Variants in CNTNAP2 observed in about 807,000 individuals in gnomAD.
The protein encoded by CNTNAP2 is contactin-associated protein-like 2.
A neutral mutation model predicts 155.2 loss-of-function variants in CNTNAP2; 98 were observed. The observed-to-expected ratio is 0.63, with a 90% CI of 0.54 to 0.75. The LOEUF (loss-of-function observed/expected upper bound fraction) is 0.75, where lower values mean the gene tolerates loss of function less well. CNTNAP2 is among the 30% of genes least tolerant of loss of function. The pLI is 0.00. For synonymous variants in CNTNAP2, 651 were observed against 631.2 expected, an observed-to-expected ratio of 1.03 and a Z score of -0.47; for missense variants, 1,727 against 1,688.1, an observed-to-expected ratio of 1.02 and a Z score of -0.40.
chr7:148,349,576 T>C, intron 21 of CNTNAP2, among the ~76,000 whole-genome samples: 1 of 151,960 alleles, frequency 6.6e-6, no homozygotes, highest in Non-Finnish European at 1.5e-5. Flanking sequence ...TAATTTTTTG[T>C]ATTTTTAGTA....
intron 1 of CNTNAP2, among the ~76,000 whole-genome samples, chr7:146,193,557 G>A (rs1798737154): frequency 6.6e-6 from 1 of 152,182 alleles, no homozygotes; most frequent in African/African-American, 2.4e-5. Flanking sequence ...GAGCAGCTGG[G>A]GCAGAGGGCA....
chr7:146,505,466 T>C (rs1398250937), intron 1 of CNTNAP2, among the ~76,000 whole-genome samples: 2 of 152,190 alleles, frequency 1.3e-5, no homozygotes, highest in African/African-American at 4.8e-5. Context: ...CACCCCATGG[T>C]TCCTTTGGGT....
intron 11 of CNTNAP2, among the ~76,000 whole-genome samples, chr7:147,517,260 A>G (rs1320653342): frequency 6.6e-6 from 1 of 152,166 alleles, no homozygotes; most frequent in Non-Finnish European, 1.5e-5. Flanking sequence ...GCTATTCACA[A>G]AGAGTTCTTC....
chr7:146,280,723 C>A (rs1800237926), intron 1 of CNTNAP2, among the ~76,000 whole-genome samples: 1 of 152,184 alleles, frequency 6.6e-6, no homozygotes, highest in South Asian at 2.1e-4. Context: ...ATGGTTCAGG[C>A]ATAGACATTT....
At chr7:147,050,655 C>G (rs752815343) in intron 4 of CNTNAP2, among the ~76,000 whole-genome samples, 1 of 152,200 alleles carries the variant, frequency 6.6e-6, no homozygotes, top group Non-Finnish European at 1.5e-5. Context: ...CACACACTAA[C>G]TCCCCTCACT....
intron 3 of CNTNAP2, among the ~76,000 whole-genome samples, chr7:146,862,344 C>A (rs569124275): frequency 6.6e-6 from 1 of 151,636 alleles, no homozygotes; most frequent in African/African-American, 2.4e-5. Context: ...ACAACAAAAA[C>A]GAAAAAAGTG....
At chr7:147,836,138 A>G (rs1476082015) in intron 13 of CNTNAP2, among the ~76,000 whole-genome samples, 4 of 152,144 alleles carry the variant, frequency 2.6e-5, no homozygotes, top group Non-Finnish European at 5.9e-5. Context: ...CCAGGAAGAA[A>G]TTTTTGTTGT....
chr7:148,099,132 A>C (rs983413029), intron 15 of CNTNAP2, among the ~76,000 whole-genome samples: 2 of 152,204 alleles, frequency 1.3e-5, no homozygotes, highest in African/African-American at 4.8e-5. Context: ...GGTGTGTAAA[A>C]ATAGAACCGA....
intron 13 of CNTNAP2, among the ~76,000 whole-genome samples, chr7:147,772,468 A>G (rs1797488356): frequency 2.3e-5 from 3 of 128,832 alleles, no homozygotes; most frequent in African/African-American, 9.3e-5. Flanking sequence ...ATATATATAT[A>G]TATATATATA....
chr7:147,334,210 A>G (rs910312398), intron 9 of CNTNAP2, among the ~76,000 whole-genome samples: 1 of 152,142 alleles, frequency 6.6e-6, no homozygotes, highest in Admixed American at 6.5e-5. Flanking sequence ...TAGTTATTCT[A>G]TCTGCCTCCT....
chr7:147,869,543 G>T (rs76650174), intron 13 of CNTNAP2, among the ~76,000 whole-genome samples: 4 of 152,098 alleles, frequency 2.6e-5, no homozygotes, highest in African/African-American at 7.2e-5. Context: ...GCACATCACC[G>T]TCAAGGAAAA....
chr7:147,398,610 C>CTTTTTTTTTTTTT (rs1438410296), intron 10 of CNTNAP2, among the ~76,000 whole-genome samples: 1 of 43,702 alleles, frequency 2.3e-5, no homozygotes, highest in Non-Finnish European at 4.9e-5. Context: ...TTTTTTTTTG[C>CTTTTTTTTTTTTT]TTTGTGTGTA....
rs566572671 is a variant in CNTNAP2 at position 147,864,199 on chromosome 7, T to G, written c.2099-39366T>G. Among the ~76,000 whole-genome samples, 52 of 152,290 alleles carry G rather than the reference T, an allele frequency of 3.4e-4. No individual in the cohort carries two copies. In the East Asian group the frequency reaches 9.5e-3, roughly 28 times the overall value. On this transcript the variant is annotated intron_variant, in intron 13 of 23. Transcript: ENST00000361727. ...TTAAATAGGGAATCCTTTCCCCATT[T>G]CTTGTTTTTGTCAGGTTTGTCAAAG... is the stretch of plus-strand genomic sequence containing the variant.
chr7:146,547,404 A>T (rs1184223978), intron 1 of CNTNAP2, among the ~76,000 whole-genome samples: 1 of 151,990 alleles, frequency 6.6e-6, no homozygotes, highest in East Asian at 1.9e-4. Flanking sequence ...TATATAATGC[A>T]GTAGTGCTGA....
intron 8 of CNTNAP2, among the ~76,000 whole-genome samples, chr7:147,201,716 G>A (rs1802926054): frequency 6.6e-6 from 1 of 152,132 alleles, no homozygotes; most frequent in Admixed American, 6.6e-5. Flanking sequence ...AATTGGATAG[G>A]GGCAGGGTGA....
chr7:147,528,937 A>G (rs1025304050), intron 11 of CNTNAP2, among the ~76,000 whole-genome samples: 7 of 152,244 alleles, frequency 4.6e-5, no homozygotes, highest in African/African-American at 1.7e-4. Flanking sequence ...CCACTGGGCA[A>G]CCATTAGATA....
At chr7:146,212,344 A>T (rs1799047657) in intron 1 of CNTNAP2, among the ~76,000 whole-genome samples, 1 of 152,132 alleles carries the variant, frequency 6.6e-6, no homozygotes, top group South Asian at 2.1e-4. Flanking sequence ...GGGGATGCTA[A>T]AAACAACAGA....
intron 1 of CNTNAP2, among the ~76,000 whole-genome samples, chr7:146,606,034 A>G (rs901928104): frequency 1.3e-5 from 2 of 152,214 alleles, no homozygotes; most frequent in African/African-American, 4.8e-5. Flanking sequence ...CCTCTGATTT[A>G]CATAGAACAT....
chr7:148,267,055 G>T lies in CNTNAP2; in HGVS notation c.3404G>T (p.Ser1135Ile), dbSNP rs1328811156. 4 of 1,614,136 alleles carry T rather than the reference G, an allele frequency of 2.5e-6. No homozygotes were observed. The highest frequency in any genetic ancestry group is 3.4e-6 in the Non-Finnish European group (4 of 1,180,014). The change falls in exon 21 of 24, where the codon AGT becomes ATT. Residue 1135 changes from serine (S) to isoleucine (I), a missense_variant. Coordinates refer to ENST00000361727, the MANE Select transcript of CNTNAP2 (RefSeq NM_014141.6). ...FLKLDHYPSV[S>I]YHLPSSSDTL... is the part of the protein sequence containing the mutation. Reference sequence around the variant, plus strand: ...CAGCTCGATCATTATCCTTCTGTGAGTTACCATCTGCCAAGTTCATCCGAC... The same window carrying T: ...CAGCTCGATCATTATCCTTCTGTGATTTACCATCTGCCAAGTTCATCCGAC...
Sources: gnomAD v4.1 joint callset for allele counts (sites outside exome capture counted in the v4.1 genomes callset) on GRCh38, gnomAD v4.1.1 for gene constraint, MANE v1.5 for transcripts, NCBI Gene and HGNC (gene_info 2026-07-23, HGNC 2026-07-21) for gene names.